The following PHKG2 variants were observed in gnomAD, a reference collection of about 807,000 sequenced individuals.
PHKG2 encodes the protein phosphorylase kinase catalytic subunit gamma 2.
In PHKG2, 28 loss-of-function variants were observed where a neutral mutation model predicts 44.5. The observed-to-expected ratio is 0.63, with a 90% CI of 0.47 to 0.86. The LOEUF (loss-of-function observed/expected upper bound fraction) is 0.86. Ranked by LOEUF, PHKG2 falls within the 40% of genes least tolerant of loss-of-function variation. The pLI is 0.00. For missense variants in PHKG2, 498 were observed against 547.5 expected (o/e 0.91, Z 0.90); for synonymous variants, 220 against 211.2 (o/e 1.04, Z -0.36).
In PHKG2 at chr16:30,756,825, G is replaced by A. The variant is rs759992249; in HGVS notation, c.949G>A (p.Ala317Thr). The change falls in exon 10 of 10, where the codon GCT (alanine) becomes ACT (threonine). Residue 317 changes from alanine to threonine, a missense_variant. By Grantham distance (58) the Ala-to-Thr change is moderately conservative. Coordinates refer to ENST00000563588, the MANE Select transcript of PHKG2 (RefSeq NM_000294.3). ...CCAGGTGGCAGTGTGGACAGTGCTG[G>A]CTGCTGGACGAGTGGCCCTAAGCAC... Reference protein sequence around the residue: ...RFRVAVWTVLAAGRVALSTHR... With the variant: ...RFRVAVWTVLTAGRVALSTHR... The A allele has an allele frequency of 3.2e-5, 52 of 1,614,026 alleles. No individual in the cohort carries two copies. The highest frequency in any genetic ancestry group is 4.2e-5 in the Non-Finnish European group (49 of 1,180,046).
intron 4 of PHKG2, chr16:30,752,977 C>T: frequency 1.8e-6 from 1 of 556,586 alleles, no homozygotes; most frequent in Non-Finnish European, 3.2e-6. Flanking sequence ...ACAAGAACCT[C>T]CTATAAATTA....
At chr16:30,751,350 A>G in intron 3 of PHKG2, 69 bp downstream of exon 3, 1 of 1,527,272 alleles carries the variant, frequency 6.5e-7, no homozygotes, top group Non-Finnish European at 9.0e-7. Flanking sequence ...CCCATAGCCC[A>G]CTTCCGCCAA....
chr16:30,755,786 T>A (rs532566290), intron 6 of PHKG2, among the ~76,000 whole-genome samples: 3 of 151,770 alleles, frequency 2.0e-5, no homozygotes, highest in East Asian at 1.9e-4. Context: ...ATGCAGAAAA[T>A]TTTTTTTTGC....
chr16:30,757,601 C>T lies in PHKG2; in HGVS notation c.*504C>T, dbSNP rs753185535. The T allele has an allele frequency of 2.4e-5, 39 of 1,614,060 alleles. No homozygotes were observed. Among genetic ancestry groups the T allele is most frequent in the Admixed American group, 8.3e-5 (5 of 59,984 alleles). Reference sequence around the variant, plus strand: ...TCCTCCACCAGCCCCTGGAGCTGCTCCAGCTCTTTGTTCACTTGGGTCTTG... The same window carrying T: ...TCCTCCACCAGCCCCTGGAGCTGCTTCAGCTCTTTGTTCACTTGGGTCTTG... On this transcript the variant is annotated 3_prime_UTR_variant, in exon 10 of 10. Coordinates refer to ENST00000563588, the MANE Select transcript of PHKG2 (RefSeq NM_000294.3).
intron 4 of PHKG2, 186 bp from the exon 5 acceptor site, chr16:30,753,046 G>A: frequency 1.5e-6 from 1 of 663,890 alleles, no homozygotes. Context: ...CATAATGCAG[G>A]TATTTCAGCT....
intron 1 of PHKG2, 125 bp from the exon 2 acceptor site, chr16:30,748,678 A>ACCCCCCCCCCCCCCC: frequency 1.2e-5 from 2 of 164,006 alleles, no homozygotes; most frequent in South Asian, 5.3e-5. Flanking sequence ...TCCTTCCCCC[A>ACCCCCCCCCCCCCCC]CCCCCCCCCA....
In PHKG2 at chr16:30,757,824, G is replaced by C. The variant is rs973262611; in HGVS notation, c.*727G>C. 4 of 1,413,450 alleles carry C rather than the reference G, an allele frequency of 2.8e-6. No individual in the cohort carries two copies. In the African/African-American group the frequency reaches 4.3e-5, roughly 15 times the overall value. 87.6% of individuals were successfully genotyped at this position (1,413,450 alleles called of 1,614,324 possible). On this transcript the variant is annotated 3_prime_UTR_variant, in exon 10 of 10. Transcript: ENST00000563588. ...GCAAGCCCTTGTGTGAGAGGTAGTT[G>C]GGTAGGGTGGCTATGCTGGACTTTG... is the stretch of plus-strand genomic sequence containing the variant.
rs370052455 is a variant in PHKG2, at chr16:30,756,425, C to T, written c.706C>T (p.Arg236Trp). Residue 236 changes from arginine to tryptophan, a missense_variant, in exon 8 of 10, where the codon CGG becomes TGG. Arg to Trp is a moderately radical substitution (Grantham distance 101). Coordinates refer to ENST00000563588, the MANE Select transcript of PHKG2 (RefSeq NM_000294.3). ...LLAGSPPFWH[R>W]RQILMLRMIM... ...GGCTGGCTCGCCACCCTTCTGGCAC[C>T]GGCGGCAGATCCTGATGTTACGCAT... is the stretch of plus-strand genomic sequence containing the variant. The T allele has an allele frequency of 2.7e-5, 43 of 1,613,854 alleles. No individual in the cohort carries two copies. The highest frequency in any genetic ancestry group is 4.0e-5 in the African/African-American group (3 of 74,894).
At position 30,759,090 on chromosome 16, in the gene PHKG2, T is replaced by A; in HGVS notation, c.*1993T>A. The A allele has an allele frequency of 1.9e-6, 3 of 1,614,220 alleles. No individual in the cohort carries two copies. The South Asian group carries it at 3.3e-5, about 18-fold the overall frequency. ...ACTGCCTGCTCCTCCATCTCCTTGCTTTCTTCTTTCTCTGCAAACCAGAAG... is the reference window on the plus strand; with the variant it reads ...ACTGCCTGCTCCTCCATCTCCTTGCATTCTTCTTTCTCTGCAAACCAGAAG... On this transcript the variant is annotated 3_prime_UTR_variant, in exon 10 of 10. Coordinates refer to ENST00000563588, the MANE Select transcript of PHKG2 (RefSeq NM_000294.3).
At position 30,759,744 on chromosome 16, in the gene PHKG2, G is replaced by A. The variant is rs1399221232; in HGVS notation, c.*2647G>A. On this transcript the variant is annotated 3_prime_UTR_variant, in exon 10 of 10. Coordinates refer to ENST00000563588, the MANE Select transcript of PHKG2 (RefSeq NM_000294.3). ...GGGTTGCTGGTAGGGAAAGCAAGAT[G>A]CAGCAGTGAGGCCCTCTCTGGTATC... 2 of 1,594,768 alleles carry A rather than the reference G, an allele frequency of 1.3e-6. No individual in the cohort carries two copies. Among genetic ancestry groups the A allele is most frequent in the Non-Finnish European group, 1.7e-6 (2 of 1,170,094 alleles).
At chr16:30,749,197 T>C (rs1464238615) in intron 2 of PHKG2, among the ~76,000 whole-genome samples, 1 of 49,362 alleles carries the variant, frequency 2.0e-5, no homozygotes, top group Non-Finnish European at 3.9e-5. Context: ...GTGGTGGTGC[T>C]GGTGGTGGTG....
Position 30,757,087 on chromosome 16 carries a change from T to G in PHKG2, c.1211T>G (p.Val404Gly), listed in dbSNP as rs1333886130. The change falls in exon 10 of 10, where the codon GTG becomes GGG. Residue 404 changes from valine to glycine, a missense_variant. Coordinates refer to ENST00000563588, the MANE Select transcript of PHKG2 (RefSeq NM_000294.3). The part of the protein sequence containing the change: ...AAITEDEAVL[V>G]LG The stretch of plus-strand genomic sequence containing the variant: ...ATAACTGAGGATGAGGCCGTGCTTG[T>G]GCTGGGCTAGGACCTCAACCCCAGG... 10 of 1,613,250 alleles carry G rather than the reference T, an allele frequency of 6.2e-6. No individual in the cohort carries two copies. In the African/African-American group the frequency reaches 1.2e-4, roughly 19 times the overall value.
chr16:30,748,840 C>T lies in PHKG2; in HGVS notation c.20C>T (p.Pro7Leu). Residue 7 changes from proline to leucine, a missense_variant, in exon 2 of 10, where the codon CCG becomes CTG. Coordinates refer to ENST00000563588, the MANE Select transcript of PHKG2 (RefSeq NM_000294.3). MTLDVG[P>L]EDELPDWAAA... is the part of the protein sequence containing the mutation. The stretch of plus-strand genomic sequence containing the variant: ...TTCAGGATGACGCTGGACGTGGGGC[C>T]GGAGGATGAGCTGCCCGACTGGGCC... The T allele has an allele frequency of 1.3e-6, 2 of 1,552,630 alleles. No homozygotes were observed. The highest frequency in any genetic ancestry group is 1.7e-6 in the Non-Finnish European group (2 of 1,147,572).
intron 4 of PHKG2, chr16:30,752,644 G>A (rs990425573): frequency 1.9e-5 from 3 of 153,860 alleles, no homozygotes; most frequent in Non-Finnish European, 2.9e-5. Context: ...TGAAGGCTTC[G>A]ATATATTTAC....
Position 30,753,236 on chromosome 16 carries a change from CGGAA to C in PHKG2, c.334_337del (p.Lys112GlufsTer29), listed in dbSNP as rs1567261757. 1.9e-6 allele frequency: 3 copies of C among 1,612,908 alleles called. No individual in the cohort carries two copies. Among genetic ancestry groups the C allele is most frequent in the Admixed American group, 3.3e-5 (2 of 59,984 alleles). ...CTATGCCCCTCCTTCCCTTAGGATG[CGGAA>C]GGGAGAGCTGTTTGACTATCTCACA... is the stretch of plus-strand genomic sequence containing the variant. On this transcript the variant is annotated frameshift_variant, in exon 5 of 10. Transcript: ENST00000563588. LOFTEE classifies it high-confidence loss of function.
rs1045617413 is a variant in PHKG2, at chr16:30,761,138, T to C, written c.*4041T>C. 1.9e-6 allele frequency: 3 copies of C among 1,583,116 alleles called. No homozygotes were observed. The highest frequency in any genetic ancestry group is 1.3e-5 in the African/African-American group (1 of 74,504). On this transcript the variant is annotated 3_prime_UTR_variant, in exon 10 of 10. Coordinates refer to ENST00000563588, the MANE Select transcript of PHKG2 (RefSeq NM_000294.3). ...GGGATGCCCTGGCCACAGACAGGACTGTTGGGGAGACAATAAAGAACGCAA... is the reference window on the plus strand; with the variant it reads ...GGGATGCCCTGGCCACAGACAGGACCGTTGGGGAGACAATAAAGAACGCAA...
intron 6 of PHKG2, 68 bp downstream of exon 6, chr16:30,753,625 G>A: frequency 6.7e-7 from 1 of 1,497,690 alleles, no homozygotes; most frequent in South Asian, 1.1e-5. Context: ...TGGTTGGCTG[G>A]GTCTGAGTAC....
At chr16:30,749,999 G>A (rs1002297629) in intron 2 of PHKG2, among the ~76,000 whole-genome samples, 2 of 152,040 alleles carry the variant, frequency 1.3e-5, no homozygotes, top group South Asian at 2.1e-4. Flanking sequence ...AAATGTATGC[G>A]TGTGGTAGAT....
At chr16:30,755,234 T>C (rs904700048) in intron 6 of PHKG2, 3 of 192,242 alleles carry the variant, frequency 1.6e-5, no homozygotes, top group Non-Finnish European at 3.3e-5. Flanking sequence ...ATAGCGACCC[T>C]GTCTCTAAAA....
Sources: gnomAD v4.1 joint callset for allele counts (sites outside exome capture counted in the v4.1 genomes callset) on GRCh38, gnomAD v4.1.1 for gene constraint, MANE v1.5 for transcripts, NCBI Gene and HGNC (gene_info 2026-07-23, HGNC 2026-07-21) for gene names.